Variants in DIS3L observed in about 807,000 individuals in gnomAD.
DIS3L encodes DIS3 like exosome 3'-5' exoribonuclease.
DIS3L carries 100 observed loss-of-function variants against 120.3 expected under a neutral mutation model. The observed-to-expected ratio is 0.83, with a 90% CI of 0.71 to 0.98. The LOEUF (loss-of-function observed/expected upper bound fraction) is 0.98, where lower values mean the gene tolerates loss of function less well. DIS3L is among the 50% of genes least tolerant of loss of function. The pLI, the probability that DIS3L is intolerant of heterozygous loss-of-function variation, is 0.00. For synonymous variants in DIS3L, 426 were observed against 470.6 expected, an observed-to-expected ratio of 0.91 and a Z score of 1.23; for missense variants, 1,196 against 1,314.2, an observed-to-expected ratio of 0.91 and a Z score of 1.39.
chr15:66,300,086 T>C (rs2092631624), intron 2 of DIS3L, among the ~76,000 whole-genome samples: 1 of 152,052 alleles, frequency 6.6e-6, no homozygotes, highest in South Asian at 2.1e-4. Flanking sequence ...GAAAACATCA[T>C]ACACAAATGT....
rs567423922 is a variant in DIS3L at position 66,302,353 on chromosome 15, C to T, written c.294-4471C>T. On this transcript the variant is annotated intron_variant, in intron 2 of 16. Transcript: ENST00000319212. Reference sequence around the variant, plus strand: ...CTGCTCTGCAGCCTGAGCAACAGAGCGAGTTCCTGTCTCAAAAAAACAAAA... The same window carrying T: ...CTGCTCTGCAGCCTGAGCAACAGAGTGAGTTCCTGTCTCAAAAAAACAAAA... Among the ~76,000 whole-genome samples, 7 of 151,962 alleles carry T rather than the reference C, an allele frequency of 4.6e-5. No homozygotes were observed. In the East Asian group the frequency reaches 5.8e-4, roughly 13 times the overall value.
intron 7 of DIS3L, 123 bp downstream of exon 7, chr15:66,315,338 A>G: frequency 2.1e-6 from 2 of 966,412 alleles, no homozygotes; most frequent in Non-Finnish European, 2.9e-6. Context: ...ATTGACAAAA[A>G]CTGTATTTAT....
At chr15:66,323,052 G>A in intron 10 of DIS3L, 118 bp downstream of exon 10, 17 of 1,266,796 alleles carry the variant, frequency 1.3e-5, no homozygotes, top group African/African-American at 3.0e-5. Flanking sequence ...GTCCCTTCCA[G>A]AAAAAAAAAG....
chr15:66,332,013 A>T lies in DIS3L; in HGVS notation c.2674A>T (p.Ile892Leu). The change falls in exon 15 of 17, where the codon ATA becomes TTA. Residue 892 changes from isoleucine to leucine, a missense_variant. Ile to Leu is a conservative substitution (Grantham distance 5). Coordinates refer to ENST00000319212, the MANE Select transcript of DIS3L (RefSeq NM_001143688.3). ...TAGAACAAATGGTGTGCTTCTATTT[A>T]TACCAAGGTATGTTACATCTAATGC... ...SIRTNGVLLF[I>L]PRFGIKGAAY... 3.7e-6 allele frequency: 6 copies of T among 1,608,334 alleles called. No homozygotes were observed. Among genetic ancestry groups the T allele is most frequent in the Non-Finnish European group, 5.1e-6 (6 of 1,178,912 alleles).
Position 66,329,213 on chromosome 15 carries a change from T to TGCA in DIS3L, c.2357-8_2357-7insGCA. On this transcript the variant is annotated splice_region_variant and splice_polypyrimidine_tract_variant and intron_variant, in intron 13 of 16. Coordinates refer to ENST00000319212, the MANE Select transcript of DIS3L (RefSeq NM_001143688.3). ...TGTTTATTTTGATCTTTTGCTTTCT[T>TGCA]TTTGAAGGTCTTGCATTAGATAAAT... The TGCA allele has an allele frequency of 6.3e-7, 1 of 1,587,552 alleles. No homozygotes were observed. The highest frequency in any genetic ancestry group is 1.2e-5 in the South Asian group (1 of 86,722).
At chr15:66,302,166 C>G (rs2092654709) in intron 2 of DIS3L, among the ~76,000 whole-genome samples, 1 of 152,056 alleles carries the variant, frequency 6.6e-6, no homozygotes, top group South Asian at 2.1e-4. Context: ...AATTTGAGAT[C>G]AGCCTGGCTA....
At chr15:66,325,438 A>C (rs941973589) in intron 11 of DIS3L, among the ~76,000 whole-genome samples, 1 of 152,196 alleles carries the variant, frequency 6.6e-6, no homozygotes, top group African/African-American at 2.4e-5. Flanking sequence ...AATGTCACAT[A>C]TGAACTCATT....
chr15:66,301,505 T>C (rs2092647697), intron 2 of DIS3L, among the ~76,000 whole-genome samples: 1 of 151,974 alleles, frequency 6.6e-6, no homozygotes, highest in Admixed American at 6.6e-5. Context: ...GGTCTCAAAC[T>C]CCTGACCTCA....
chr15:66,309,026 T>C (rs1463811763), intron 4 of DIS3L, among the ~76,000 whole-genome samples, 182 bp downstream of exon 4: 3 of 137,844 alleles, frequency 2.2e-5, no homozygotes, highest in African/African-American at 8.1e-5. Flanking sequence ...GGAAGATCAC[T>C]TGAGCTTAGG....
At position 66,300,380 on chromosome 15, in the gene DIS3L, C is replaced by T. The variant is rs368080627; in HGVS notation, c.293+5239C>T. ...CAACAGAAAGTAGATTAGTGGTTGC[C>T]GGGGGCTGGGGTCAAGGGGAACAGG... On this transcript the variant is annotated intron_variant, in intron 2 of 16. Coordinates refer to ENST00000319212, the MANE Select transcript of DIS3L (RefSeq NM_001143688.3). Among the ~76,000 whole-genome samples the T allele has an allele frequency of 5.9e-5, 9 of 152,132 alleles. No individual in the cohort carries two copies. In the East Asian group the frequency reaches 1.5e-3, roughly 26 times the overall value.
intron 4 of DIS3L, among the ~76,000 whole-genome samples, chr15:66,310,549 A>G (rs1160195726): frequency 6.6e-6 from 1 of 152,192 alleles, no homozygotes; most frequent in Admixed American, 6.5e-5. Flanking sequence ...TTGAAGTTAG[A>G]TGGAGAAGAG....
At position 66,332,514 on chromosome 15, in the gene DIS3L, GTATA is replaced by G. The variant is rs1315039294; in HGVS notation, c.2682-215_2682-212del. The stretch of plus-strand genomic sequence containing the variant: ...TGTGTGTGTGTGTGTGTGTGTGTGT[GTATA>G]TATATACACACACACTTCTATATCC... On this transcript the variant is annotated intron_variant, in intron 15 of 16. Transcript: ENST00000319212. Among the ~76,000 whole-genome samples the G allele has an allele frequency of 4.1e-3, 305 of 74,758 alleles. 2 individuals are homozygous for G. Among genetic ancestry groups the G allele is most frequent in the African/African-American group, 6.9e-3 (198 of 28,626 alleles). 49.0% of individuals were successfully genotyped at this position (74,758 alleles called of 152,430 possible).
chr15:66,322,877 C>T lies in DIS3L; in HGVS notation c.1517C>T (p.Ala506Val). 1 of 1,614,166 alleles carries T rather than the reference C, an allele frequency of 6.2e-7. No individual in the cohort carries two copies. Among genetic ancestry groups the T allele is most frequent in the Non-Finnish European group, 8.5e-7 (1 of 1,180,024 alleles). The change falls in exon 10 of 17, where the codon GCA (alanine) becomes GTA (valine). Residue 506 changes from alanine (A) to valine (V), a missense_variant. Ala to Val is a moderately conservative substitution (Grantham distance 64). Transcript: ENST00000319212. ...NGNLELGVHIADVTHFVAPNS... is the reference protein window; with the variant it reads ...NGNLELGVHIVDVTHFVAPNS... ...AACCTGGAACTTGGGGTCCACATCG[C>T]AGATGTAACACACTTTGTGGCACCA... is the stretch of plus-strand genomic sequence containing the variant.
At chr15:66,325,784 C>T in intron 11 of DIS3L, 47 bp from the exon 12 acceptor site, 1 of 1,542,464 alleles carries the variant, frequency 6.5e-7, no homozygotes, top group Non-Finnish European at 8.7e-7. Context: ...ACAAAAAAAG[C>T]CAGATGAATT....
At chr15:66,297,494 T>C (rs1439554163) in intron 2 of DIS3L, among the ~76,000 whole-genome samples, 1 of 152,226 alleles carries the variant, frequency 6.6e-6, no homozygotes, top group East Asian at 1.9e-4. Flanking sequence ...AAAATATGTA[T>C]ACATTGTGGA....
intron 9 of DIS3L, among the ~76,000 whole-genome samples, chr15:66,321,502 G>A (rs1300236146): frequency 6.6e-6 from 1 of 152,134 alleles, no homozygotes; most frequent in Non-Finnish European, 1.5e-5. Context: ...GGTGGCTCAT[G>A]CCTGTAATCC....
At chr15:66,310,164 G>C (rs1402552455) in intron 4 of DIS3L, among the ~76,000 whole-genome samples, 1 of 152,130 alleles carries the variant, frequency 6.6e-6, no homozygotes, top group Admixed American at 6.6e-5. Flanking sequence ...TTGAATTGCA[G>C]ATTCTGTAAG....
At position 66,325,834 on chromosome 15, in the gene DIS3L, T is replaced by A. The variant is rs754357155; in HGVS notation, c.1671T>A (p.Tyr557Ter). ...GTCAATGTTACTGTTTTTGTAGGTA[T>A]GCTGTAAGCATCATGTGGGAACTGG... is the stretch of plus-strand genomic sequence containing the variant. ...LCSLLGGVDR[Y>*]AVSIMWELDK... The change falls in exon 12 of 17, where the codon TAT (tyrosine) becomes TAA (stop). Residue 557 changes from tyrosine (Y) to a stop codon, truncating the protein, a stop_gained. Transcript: ENST00000319212. LOFTEE classifies it high-confidence loss of function. 15 of 1,592,460 alleles carry A rather than the reference T, an allele frequency of 9.4e-6. No homozygotes were observed. Among genetic ancestry groups the A allele is most frequent in the Non-Finnish European group, 1.2e-5 (14 of 1,164,894 alleles).
chr15:66,295,267 G>A lies in DIS3L; in HGVS notation c.293+126G>A, dbSNP rs1259823376. 3.4e-5 allele frequency: 31 copies of A among 913,122 alleles called. No individual in the cohort carries two copies. In the East Asian group the frequency reaches 4.0e-4, roughly 12 times the overall value. The allele number at this position is 913,122 out of a possible 1,614,324, so 56.6% of individuals were successfully genotyped here. On this transcript the variant is annotated intron_variant, in intron 2 of 16. Coordinates refer to ENST00000319212, the MANE Select transcript of DIS3L (RefSeq NM_001143688.3). ...AGAAGGGACTTTTAAAACTAATTTC[G>A]TATTCTCTTTGATAGTGAGGAATGC...
Sources: allele counts gnomAD v4.1 joint callset (sites outside exome capture counted in the v4.1 genomes callset), GRCh38; gene constraint gnomAD v4.1.1; transcripts MANE v1.5; gene names NCBI Gene and HGNC (gene_info 2026-07-23, HGNC 2026-07-21).